RBFOX1: variants seen among roughly 807,000 people sequenced by gnomAD.
The protein encoded by RBFOX1 is RNA binding protein fox-1 homolog 1.
RBFOX1 carries 8 observed loss-of-function variants against 57.7 expected under a neutral mutation model. The ratio of observed to expected loss-of-function variants is 0.14; its 90% CI spans 0.08 to 0.25. RBFOX1 has a LOEUF of 0.25. Among genes scored for constraint, RBFOX1 ranks in the 10% least tolerant of loss-of-function variants. The pLI, the probability that RBFOX1 is intolerant of heterozygous loss-of-function variation, is 1.00. For synonymous variants in RBFOX1, 326 were observed against 222.4 expected (o/e 1.47, Z -4.15); for missense variants, 611 against 548.5 (o/e 1.11, Z -1.14).
At chr16:6,028,642 C>T (rs1409384159) in intron 1 of RBFOX1, among the ~76,000 whole-genome samples, 2 of 151,884 alleles carry the variant, frequency 1.3e-5, no homozygotes, top group African/African-American at 2.4e-5. Flanking sequence ...AATTGTGCCA[C>T]TGCACTCCAT....
At chr16:6,980,577 A>G (rs1220149270) in intron 3 of RBFOX1, among the ~76,000 whole-genome samples, 1 of 152,190 alleles carries the variant, frequency 6.6e-6, no homozygotes. Context: ...AGTATTGAAA[A>G]ACAGCTTTAA....
intron 4 of RBFOX1, among the ~76,000 whole-genome samples, chr16:7,444,446 G>C (rs2098793151): frequency 6.6e-6 from 1 of 152,176 alleles, no homozygotes. Flanking sequence ...AGACTGAACA[G>C]CCTAGGGGGA....
chr16:6,774,392 G>A (rs2078977183), intron 3 of RBFOX1, among the ~76,000 whole-genome samples: 1 of 152,114 alleles, frequency 6.6e-6, no homozygotes, highest in Admixed American at 6.5e-5. Flanking sequence ...GAGCAATTGT[G>A]GTTATGATCA....
chr16:5,265,014 G>T (rs1708553324), intron 1 of RBFOX1, among the ~76,000 whole-genome samples: 3 of 151,994 alleles, frequency 2.0e-5, no homozygotes, highest in Admixed American at 2.0e-4. Flanking sequence ...GTGTGTGTGT[G>T]TGTGTGTAAA....
chr16:7,330,889 C>G (rs1034667635), intron 4 of RBFOX1, among the ~76,000 whole-genome samples: 5 of 152,106 alleles, frequency 3.3e-5, no homozygotes, highest in Non-Finnish European at 7.4e-5. Flanking sequence ...TGCTTCTGTC[C>G]TCCCCGGTAA....
chr16:6,961,493 T>A (rs1054609272), intron 3 of RBFOX1, among the ~76,000 whole-genome samples: 2 of 152,226 alleles, frequency 1.3e-5, no homozygotes, highest in African/African-American at 2.4e-5. Flanking sequence ...TCTTGGAAAT[T>A]GCAGAAGAAA....
chr16:5,690,791 C>A (rs1371159210), intron 3 of RBFOX1, among the ~76,000 whole-genome samples: 1 of 152,200 alleles, frequency 6.6e-6, no homozygotes, highest in South Asian at 2.1e-4. Context: ...GATTTGAAAC[C>A]TGACCATGCC....
At chr16:6,304,068 C>T (rs2079155248) in intron 1 of RBFOX1, among the ~76,000 whole-genome samples, 2 of 151,662 alleles carry the variant, frequency 1.3e-5, no homozygotes, top group South Asian at 4.2e-4. Context: ...CCTGGGCCTC[C>T]CAAAGTGCTG....
intron 3 of RBFOX1, among the ~76,000 whole-genome samples, chr16:6,676,394 C>T (rs1349415009): frequency 6.6e-6 from 1 of 152,038 alleles, no homozygotes; most frequent in Non-Finnish European, 1.5e-5. Flanking sequence ...CAGTTGGGTC[C>T]TAGCCCAAGG....
chr16:5,692,979 A>T (rs375775757), intron 3 of RBFOX1, among the ~76,000 whole-genome samples: 1 of 152,216 alleles, frequency 6.6e-6, no homozygotes, highest in Non-Finnish European at 1.5e-5. Flanking sequence ...ATCTGGACTC[A>T]CTACACAATT....
intron 4 of RBFOX1, among the ~76,000 whole-genome samples, chr16:7,379,002 T>A (rs534135630): frequency 2.0e-5 from 3 of 152,334 alleles, no homozygotes; most frequent in South Asian, 4.1e-4. Flanking sequence ...AGCTTAGATA[T>A]CTACTCTCTA....
intron 1 of RBFOX1, among the ~76,000 whole-genome samples, chr16:6,263,867 A>T (rs1235852175): frequency 6.6e-6 from 1 of 152,198 alleles, no homozygotes; most frequent in East Asian, 1.9e-4. Context: ...TTGGAACCAA[A>T]AGTGTTGGTA....
chr16:7,697,804 C>G (rs1014334293), intron 14 of RBFOX1, among the ~76,000 whole-genome samples: 9 of 152,120 alleles, frequency 5.9e-5, no homozygotes, highest in African/African-American at 1.9e-4. Context: ...CTATCTTGCT[C>G]CTATGAAACT....
chr16:6,327,060 C>G (rs913846818), intron 2 of RBFOX1, among the ~76,000 whole-genome samples: 1 of 152,180 alleles, frequency 6.6e-6, no homozygotes, highest in African/African-American at 2.4e-5. Context: ...TGAGATTCAC[C>G]TGCACCTGAA....
chr16:6,582,526 C>G (rs2097550280), intron 2 of RBFOX1, among the ~76,000 whole-genome samples: 1 of 150,170 alleles, frequency 6.7e-6, no homozygotes, highest in South Asian at 2.1e-4. Flanking sequence ...CATGTGGAGT[C>G]AGGTGCATAA....
At chr16:5,340,383 A>G (rs1194918795) in intron 1 of RBFOX1, among the ~76,000 whole-genome samples, 1 of 152,212 alleles carries the variant, frequency 6.6e-6, no homozygotes, top group African/African-American at 2.4e-5. Context: ...AAATTGTATC[A>G]TTAGTTGAGG....
intron 1 of RBFOX1, among the ~76,000 whole-genome samples, chr16:6,118,636 C>T (rs868412514): frequency 1.8e-4 from 27 of 151,426 alleles, no homozygotes; most frequent in African/African-American, 6.1e-4. Flanking sequence ...CCCTCTCTCC[C>T]TCTCTTTCTT....
chr16:6,108,464 A>C (rs865872719), intron 1 of RBFOX1, among the ~76,000 whole-genome samples: 2 of 152,232 alleles, frequency 1.3e-5, no homozygotes, highest in South Asian at 4.1e-4. Context: ...AAATGCTGCT[A>C]CAGGGTAGGT....
chr16:6,860,603 C>G (rs997542717), intron 3 of RBFOX1, among the ~76,000 whole-genome samples: 32 of 152,202 alleles, frequency 2.1e-4, no homozygotes, highest in Non-Finnish European at 2.4e-4. Context: ...ATTGTGGCAT[C>G]CAAGCAAAAC....
Sources: allele counts gnomAD v4.1 joint callset (sites outside exome capture counted in the v4.1 genomes callset), GRCh38; gene constraint gnomAD v4.1.1; transcripts MANE v1.5; gene names NCBI Gene and HGNC (gene_info 2026-07-23, HGNC 2026-07-21).